The following MTMR9 variants were observed in gnomAD, a reference collection of about 807,000 sequenced individuals.
MTMR9 encodes myotubularin related protein 9.
In MTMR9, 39 loss-of-function variants were observed where a neutral mutation model predicts 69.5. The observed-to-expected ratio is 0.56, with a 90% CI of 0.43 to 0.73. The LOEUF (loss-of-function observed/expected upper bound fraction) is 0.73, where lower values mean the gene tolerates loss of function less well. MTMR9 is among the 30% of genes least tolerant of loss of function. MTMR9 has a pLI of 0.00. For synonymous variants in MTMR9, 354 were observed against 240.8 expected (o/e 1.47, Z -4.35); for missense variants, 900 against 671.2 (o/e 1.34, Z -3.77).
At chr8:11,316,395 A>G (rs1463909758) in intron 7 of MTMR9, 1 of 264,602 alleles carries the variant, frequency 3.8e-6, no homozygotes, top group Non-Finnish European at 7.1e-6. Flanking sequence ...GCTTAAGTTC[A>G]TTATTCTTCC....
intron 2 of MTMR9, among the ~76,000 whole-genome samples, chr8:11,297,547 G>C (rs1008767940): frequency 2.9e-4 from 43 of 149,370 alleles, no homozygotes; most frequent in African/African-American, 1.0e-3. Context: ...TTTTTTTTCA[G>C]TTAGGAGATT....
chr8:11,332,243 T>A, downstream of MTMR9: 718 of 1,216,462 alleles, frequency 5.9e-4, no homozygotes, highest in Non-Finnish European at 7.5e-4. Flanking sequence ...AGAGTGAAAG[T>A]CTAACTTCCA....
chr8:11,312,062 G>T (rs1194008756), intron 6 of MTMR9, among the ~76,000 whole-genome samples: 2 of 151,838 alleles, frequency 1.3e-5, no homozygotes, highest in Admixed American at 6.6e-5. Context: ...TATTTATTTA[G>T]GAGACAGGGC....
At chr8:11,289,240 T>C (rs1799295612) in intron 1 of MTMR9, among the ~76,000 whole-genome samples, 1 of 152,176 alleles carries the variant, frequency 6.6e-6, no homozygotes, top group Admixed American at 6.5e-5. Context: ...GGATGTGTTT[T>C]TGAAAGTGGA....
At chr8:11,292,625 C>T (rs776451384) in intron 1 of MTMR9, among the ~76,000 whole-genome samples, 2 of 152,062 alleles carry the variant, frequency 1.3e-5, no homozygotes, top group African/African-American at 4.8e-5. Context: ...TGCTTATTTG[C>T]CATCCATATG....
intron 2 of MTMR9, among the ~76,000 whole-genome samples, 154 bp from the exon 3 acceptor site, chr8:11,299,869 C>T (rs376182947): frequency 6.6e-6 from 1 of 152,138 alleles, no homozygotes; most frequent in African/African-American, 2.4e-5. Flanking sequence ...TTCAGTAAGA[C>T]TAAAATTGTA....
intron 6 of MTMR9, among the ~76,000 whole-genome samples, chr8:11,312,817 A>G (rs1800256196): frequency 2.0e-5 from 3 of 152,234 alleles, no homozygotes; most frequent in Admixed American, 1.3e-4. Flanking sequence ...TCTTTGATCC[A>G]TGGCCTGCAG....
At chr8:11,318,001 C>A (rs925938608) in intron 8 of MTMR9, 3 of 152,084 alleles carry the variant, frequency 2.0e-5, no homozygotes, top group Non-Finnish European at 2.9e-5. Context: ...TTAACTCCCC[C>A]ACTTAGAAGG....
At chr8:11,311,881 CTTTT>C (rs35158873) in intron 6 of MTMR9, among the ~76,000 whole-genome samples, 1 of 144,892 alleles carries the variant, frequency 6.9e-6, no homozygotes. Context: ...TATTCTAAAT[CTTTT>C]TTTTTTTTTT....
At chr8:11,338,353 A>C in the MTMR9 span, among the ~76,000 whole-genome samples, 2 of 152,164 alleles carry the variant, frequency 1.3e-5, no homozygotes, top group African/African-American at 4.8e-5. Context: ...TGTGCTAGTG[A>C]GGTGGCACTG....
downstream of MTMR9, chr8:11,331,501 C>A: frequency 6.2e-7 from 1 of 1,613,982 alleles, no homozygotes; most frequent in Non-Finnish European, 8.5e-7. Flanking sequence ...AACGCTGCCA[C>A]TGTTCGCAAA....
chr8:11,304,103 A>T (rs1008967526), intron 3 of MTMR9, among the ~76,000 whole-genome samples: 1 of 151,650 alleles, frequency 6.6e-6, no homozygotes, highest in Non-Finnish European at 1.5e-5. Context: ...GCTGTTTTTA[A>T]TTCTGATGTT....
At chr8:11,298,919 T>A in intron 2 of MTMR9, 2 of 961,868 alleles carry the variant, frequency 2.1e-6, no homozygotes, top group Non-Finnish European at 2.5e-6. Flanking sequence ...TGCCCCCATT[T>A]GAGAATGGAT....
In MTMR9 at chr8:11,284,945, G is replaced by C; in HGVS notation, c.57G>C (p.Arg19=). ...GGGTGGACAATGTGGTGCTGCACCG[G>C]CCTTTCTACCCGGCTGTCGAGGGCA... The part of the protein sequence containing the change: ...TPRVDNVVLH[R]PFYPAVEGTL... The change falls in exon 1 of 10, where the codon CGG becomes CGC. Residue 19 remains arginine (R), a synonymous_variant. Transcript: ENST00000221086. 3 of 1,613,974 alleles carry C rather than the reference G, an allele frequency of 1.9e-6. No homozygotes were observed. Among genetic ancestry groups the C allele is most frequent in the Non-Finnish European group, 2.5e-6 (3 of 1,179,962 alleles).
Position 11,328,086 on chromosome 8 carries a change from G to T in MTMR9, c.*5298G>T, listed in dbSNP as rs1801029261. The T allele has an allele frequency of 1.3e-5, 2 of 152,084 alleles. No homozygotes were observed. Among genetic ancestry groups the T allele is most frequent in the African/African-American group, 2.4e-5 (1 of 41,390 alleles). 9.4% of individuals were successfully genotyped at this position (152,084 alleles called of 1,614,324 possible). A position where few individuals can be genotyped will look rare whatever the true frequency, so the allele number is the denominator to read the frequency against. ...GAGGACAGTTGCACAGATGGCTAGT[G>T]TTAAATTTCTATAGACGATGGTAAT... On this transcript the variant is annotated 3_prime_UTR_variant, in exon 10 of 10. Transcript: ENST00000221086.
At chr8:11,289,296 T>A (rs1445836054) in intron 1 of MTMR9, among the ~76,000 whole-genome samples, 2 of 152,236 alleles carry the variant, frequency 1.3e-5, no homozygotes, top group Non-Finnish European at 2.9e-5. Flanking sequence ...GAGAAAGTCA[T>A]TAAGGGTAAC....
downstream of MTMR9, chr8:11,331,805 C>G: frequency 6.2e-7 from 1 of 1,611,736 alleles, no homozygotes; most frequent in Middle Eastern, 2.3e-4. Context: ...GGCTGCTGGG[C>G]TGTGTGCCAG....
intron 3 of MTMR9, chr8:11,300,742 A>G (rs1405868281): frequency 6.6e-6 from 1 of 152,288 alleles, no homozygotes; most frequent in African/African-American, 2.4e-5. Flanking sequence ...CAATGAATAA[A>G]ATATTTACGA....
intron 2 of MTMR9, among the ~76,000 whole-genome samples, chr8:11,299,290 A>G (rs1799667675): frequency 6.6e-6 from 1 of 152,234 alleles, no homozygotes; most frequent in Non-Finnish European, 1.5e-5. Flanking sequence ...AGATCGCGCC[A>G]TTCTAGCCTG....
Sources: allele counts gnomAD v4.1 joint callset (sites outside exome capture counted in the v4.1 genomes callset), GRCh38; gene constraint gnomAD v4.1.1; transcripts MANE v1.5; gene names NCBI Gene and HGNC (gene_info 2026-07-23, HGNC 2026-07-21).